The following TMEM108 variants were observed in gnomAD, a reference collection of about 807,000 sequenced individuals.
TMEM108 encodes cancer/testis antigen 124.
Under a neutral mutation model 35.1 loss-of-function variants are expected in TMEM108, and 12 were observed. That is an observed-to-expected ratio of 0.34 (90% confidence interval 0.22 to 0.55). The LOEUF (loss-of-function observed/expected upper bound fraction) is 0.55, where lower values mean the gene tolerates loss of function less well. Ranked by LOEUF, TMEM108 falls within the 20% of genes least tolerant of loss-of-function variation. The probability of loss-of-function intolerance (pLI) is 0.89; values close to 1 mark genes in which losing one functional copy is unlikely to be tolerated. For synonymous variants in TMEM108, 287 were observed against 308.6 expected (o/e 0.93, Z 0.73); for missense variants, 680 against 753.3 (o/e 0.90, Z 1.14).
At chr3:133,118,979 T>A (rs1944319323) in intron 2 of TMEM108, 1 of 152,238 alleles carries the variant, frequency 6.6e-6, no homozygotes, top group Non-Finnish European at 1.5e-5. Context: ...CACCTGCCTT[T>A]CCTATGCCAC....
intron 3 of TMEM108, among the ~76,000 whole-genome samples, chr3:133,267,468 T>C (rs935185258): frequency 2.6e-5 from 4 of 152,088 alleles, no homozygotes; most frequent in African/African-American, 9.7e-5. Flanking sequence ...ATGAAAGATA[T>C]CCCAAGAAGA....
At chr3:133,270,100 A>G (rs1946749733) in intron 3 of TMEM108, among the ~76,000 whole-genome samples, 1 of 152,182 alleles carries the variant, frequency 6.6e-6, no homozygotes, top group Non-Finnish European at 1.5e-5. Flanking sequence ...CTTAGAAAAC[A>G]TTCTCTGAGA....
chr3:133,301,583 C>T (rs114029710), intron 3 of TMEM108, among the ~76,000 whole-genome samples: 1,903 of 152,248 alleles, frequency 0.012, 17 homozygotes, highest in South Asian at 0.024. Context: ...GGCTAGCTCA[C>T]TTGTTAATAA....
chr3:133,193,154 A>G (rs915742481), intron 2 of TMEM108, among the ~76,000 whole-genome samples: 3 of 151,802 alleles, frequency 2.0e-5, no homozygotes, highest in African/African-American at 7.3e-5. Flanking sequence ...TGTGGATCTA[A>G]TCTTCAGTGT....
intron 3 of TMEM108, among the ~76,000 whole-genome samples, chr3:133,355,175 T>C (rs2072125277): frequency 6.6e-6 from 1 of 152,210 alleles, no homozygotes; most frequent in Non-Finnish European, 1.5e-5. Context: ...AGAAGAAAAA[T>C]GATACAACAT....
intron 2 of TMEM108, among the ~76,000 whole-genome samples, chr3:133,057,848 T>A (rs1943489600): frequency 6.6e-6 from 1 of 152,192 alleles, no homozygotes; most frequent in African/African-American, 2.4e-5. Flanking sequence ...AGCTTCTGAC[T>A]TTTCTTCTGC....
At chr3:133,386,632 A>C (rs1203814806) in intron 4 of TMEM108, 1 of 1,425,568 alleles carries the variant, frequency 7.0e-7, no homozygotes, top group Admixed American at 2.8e-5. Flanking sequence ...GACCTCCTCC[A>C]GAGTCTTGAT....
At chr3:133,213,209 A>G (rs2107841634) in intron 2 of TMEM108, among the ~76,000 whole-genome samples, 1 of 152,324 alleles carries the variant, frequency 6.6e-6, no homozygotes, top group South Asian at 2.1e-4. Flanking sequence ...GCATGTCTGT[A>G]CACCATTATT....
chr3:133,237,198 T>A (rs1266777922), intron 3 of TMEM108, among the ~76,000 whole-genome samples: 1 of 152,106 alleles, frequency 6.6e-6, no homozygotes, highest in Non-Finnish European at 1.5e-5. Flanking sequence ...ATGATCTTCT[T>A]ATGCTGTATG....
At chr3:133,149,840 A>G (rs958803233) in intron 2 of TMEM108, among the ~76,000 whole-genome samples, 1 of 152,096 alleles carries the variant, frequency 6.6e-6, no homozygotes, top group Admixed American at 6.6e-5. Context: ...ATATATATAT[A>G]TGTCTGGTAC....
In TMEM108 at chr3:133,380,087, T is replaced by A; in HGVS notation, c.376T>A (p.Ser126Thr). Residue 126 changes from serine (S) to threonine (T), a missense_variant, in exon 4 of 6, where the codon TCC (serine) becomes ACC (threonine). Coordinates refer to ENST00000321871, the MANE Select transcript of TMEM108 (RefSeq NM_023943.4). The surrounding 1 kb of genome is among the most constrained non-coding windows in gnomAD (Gnocchi z 5.3). ...GPAPAAMATT[S>T]SKPEGRPRGQ... The stretch of plus-strand genomic sequence containing the variant: ...CGCTCCAGCAGCCATGGCAACCACA[T>A]CCTCCAAGCCAGAGGGCCGCCCTCG... The A allele has an allele frequency of 6.2e-6, 10 of 1,613,616 alleles. No homozygotes were observed. The highest frequency in any genetic ancestry group is 8.5e-6 in the Non-Finnish European group (10 of 1,179,910).
At chr3:133,060,109 G>A (rs933944134) in intron 2 of TMEM108, among the ~76,000 whole-genome samples, 1 of 152,178 alleles carries the variant, frequency 6.6e-6, no homozygotes, top group African/African-American at 2.4e-5. Context: ...GCCAGGCACT[G>A]TGTGAGGAGC....
intron 3 of TMEM108, among the ~76,000 whole-genome samples, chr3:133,342,755 G>A (rs1223719594): frequency 6.6e-6 from 1 of 150,716 alleles, no homozygotes; most frequent in African/African-American, 2.4e-5. Context: ...TGGAGCCTGA[G>A]AAGGGTGGAA....
In TMEM108 at chr3:133,302,514, C is replaced by A. The variant is rs150674742; in HGVS notation, c.40+73163C>A. On this transcript the variant is annotated intron_variant, in intron 3 of 5. Coordinates refer to ENST00000321871, the MANE Select transcript of TMEM108 (RefSeq NM_023943.4). ...CGGCTCACTTGCAAGCTCTGCCTCC[C>A]GGGTTCACACCATTCTCCTGCCTCA... 3.1e-3 allele frequency among the ~76,000 whole-genome samples: 455 copies of A among 147,468 alleles called. 6 individuals are homozygous for A. The highest frequency in any genetic ancestry group is 0.011 in the African/African-American group (425 of 40,216).
intron 2 of TMEM108, among the ~76,000 whole-genome samples, chr3:133,149,371 G>A (rs1414816288): frequency 2.0e-5 from 3 of 152,176 alleles, no homozygotes; most frequent in African/African-American, 7.2e-5. Context: ...GATGTATGGT[G>A]AGAACACTAA....
intron 2 of TMEM108, among the ~76,000 whole-genome samples, chr3:133,209,905 A>G (rs1471506581): frequency 2.6e-5 from 4 of 151,838 alleles, no homozygotes; most frequent in East Asian, 1.9e-4. Flanking sequence ...TTCAGTCACT[A>G]TCTCCTTATT....
At chr3:133,087,554 C>T (rs1943898776) in intron 2 of TMEM108, among the ~76,000 whole-genome samples, 1 of 152,138 alleles carries the variant, frequency 6.6e-6, no homozygotes, top group Non-Finnish European at 1.5e-5. Flanking sequence ...GAAACTGTGG[C>T]ATTGTGACAA....
chr3:133,138,805 G>A (rs775526726), intron 2 of TMEM108, among the ~76,000 whole-genome samples: 9 of 151,762 alleles, frequency 5.9e-5, no homozygotes, highest in Non-Finnish European at 1.0e-4. Flanking sequence ...GGGTACATGT[G>A]TAGAATGTGC....
intron 3 of TMEM108, among the ~76,000 whole-genome samples, chr3:133,255,676 T>A (rs1303563898): frequency 1.3e-5 from 2 of 152,152 alleles, no homozygotes; most frequent in East Asian, 3.9e-4. Flanking sequence ...ACTCAGATTC[T>A]GGGAATACTG....
Sources: gnomAD v4.1 joint callset for allele counts (sites outside exome capture counted in the v4.1 genomes callset) on GRCh38, gnomAD v4.1.1 for gene constraint, Gnocchi (gnomAD v3.1) non-coding constraint, MANE v1.5 for transcripts, NCBI Gene and HGNC (gene_info 2026-07-23, HGNC 2026-07-21) for gene names.